NEIL2: variants seen among roughly 807,000 people sequenced by gnomAD.
The protein encoded by NEIL2 is endonuclease 8-like 2.
A neutral mutation model predicts 22.2 loss-of-function variants in NEIL2; 23 were observed. The observed-to-expected ratio is 1.04, with a 90% CI of 0.75 to 1.47. The LOEUF is 1.47. Ranked by LOEUF, NEIL2 falls within the 40% of genes most tolerant of loss-of-function variation. NEIL2 has a pLI of 0.00. For missense variants in NEIL2, 583 were observed against 404.7 expected, an observed-to-expected ratio of 1.44 and a Z score of -3.78; for synonymous variants, 229 against 164.8, an observed-to-expected ratio of 1.39 and a Z score of -2.99.
chr8:11,779,976 G>C (rs368736363), intron 3 of NEIL2, 26 bp downstream of exon 3: 116 of 1,596,810 alleles, frequency 7.3e-5, no homozygotes, highest in Non-Finnish European at 9.4e-5. Flanking sequence ...TCTGATTTTC[G>C]TGGGCTCTGA....
In NEIL2 at chr8:11,783,380, G is replaced by C; in HGVS notation, c.669G>C (p.Gln223His). ...AQPVCYTLLD[Q>H]RYFSGLGNII... ...CTGTCTGCTATACACTGCTGGACCA[G>C]AGATACTTCTCAGGGCTAGGTATGA... Residue 223 changes from glutamine to histidine, a missense_variant, in exon 4 of 5, where the codon CAG (glutamine) becomes CAC (histidine). By Grantham distance (24) the Gln-to-His change is conservative. Coordinates refer to ENST00000284503, the MANE Select transcript of NEIL2 (RefSeq NM_145043.4). The C allele has an allele frequency of 6.2e-7, 1 of 1,614,154 alleles. No individual in the cohort carries two copies. The highest frequency in any genetic ancestry group is 8.5e-7 in the Non-Finnish European group (1 of 1,180,016).
chr8:11,780,949 G>C (rs1358654924), intron 3 of NEIL2, among the ~76,000 whole-genome samples: 1 of 152,198 alleles, frequency 6.6e-6, no homozygotes, highest in Non-Finnish European at 1.5e-5. Context: ...TGTGTTGCCA[G>C]TATTGTTTCA....
rs191026434 is a variant in NEIL2 at position 11,771,801 on chromosome 8, G to C, written c.138+216G>C. On this transcript the variant is annotated intron_variant, in intron 2 of 4. Coordinates refer to ENST00000284503, the MANE Select transcript of NEIL2 (RefSeq NM_145043.4). ...AAAGAACACGTGTGGATGAGCTGGAGACCCCGATTCAGAGGGTCTGGAGTG... is the reference window on the plus strand; with the variant it reads ...AAAGAACACGTGTGGATGAGCTGGACACCCCGATTCAGAGGGTCTGGAGTG... 2.0e-5 allele frequency among the ~76,000 whole-genome samples: 3 copies of C among 152,306 alleles called. No individual in the cohort carries two copies. The East Asian group carries it at 5.8e-4, about 29-fold the overall frequency.
intron 2 of NEIL2, among the ~76,000 whole-genome samples, chr8:11,776,691 T>G (rs1803930495): frequency 6.6e-6 from 1 of 152,162 alleles, no homozygotes. Context: ...ATTTTTAACC[T>G]CTTGCCACAG....
At chr8:11,780,327 G>C (rs190998274) in intron 3 of NEIL2, among the ~76,000 whole-genome samples, 158 of 152,302 alleles carry the variant, frequency 1.0e-3, no homozygotes, top group Admixed American at 1.6e-3. Flanking sequence ...ATTTTTTATT[G>C]AGATATAATT....
chr8:11,783,404 G>C lies in NEIL2; in HGVS notation c.688+5G>C. 2 of 1,613,508 alleles carry C rather than the reference G, an allele frequency of 1.2e-6. No individual in the cohort carries two copies. Among genetic ancestry groups the C allele is most frequent in the Non-Finnish European group, 1.7e-6 (2 of 1,179,492 alleles). On this transcript the variant is annotated splice_donor_5th_base_variant and intron_variant, in intron 4 of 4. Coordinates refer to ENST00000284503, the MANE Select transcript of NEIL2 (RefSeq NM_145043.4). ...AGAGATACTTCTCAGGGCTAGGTATGACTCATGGGAAAGGGGTGAGTCCAC... is the reference window on the plus strand; with the variant it reads ...AGAGATACTTCTCAGGGCTAGGTATCACTCATGGGAAAGGGGTGAGTCCAC...
intron 2 of NEIL2, among the ~76,000 whole-genome samples, chr8:11,777,430 A>G (rs966735704): frequency 1.3e-5 from 2 of 151,900 alleles, no homozygotes; most frequent in African/African-American, 2.4e-5. Context: ...ATTTTAAAGT[A>G]TATAGTTCAG....
intron 4 of NEIL2, among the ~76,000 whole-genome samples, chr8:11,784,811 A>G (rs540588527): frequency 2.6e-5 from 4 of 152,294 alleles, no homozygotes; most frequent in African/African-American, 9.6e-5. Flanking sequence ...GAGTAGAAAA[A>G]TAATAAGATA....
intron 4 of NEIL2, among the ~76,000 whole-genome samples, chr8:11,783,706 ACC>A (rs1804647390): frequency 6.6e-6 from 1 of 152,102 alleles, no homozygotes; most frequent in Non-Finnish European, 1.5e-5. Flanking sequence ...GCACCTCTGT[ACC>A]CTCCACTGCA....
At chr8:11,780,652 G>C (rs1409466172) in intron 3 of NEIL2, among the ~76,000 whole-genome samples, 1 of 152,232 alleles carries the variant, frequency 6.6e-6, no homozygotes, top group East Asian at 1.9e-4. Flanking sequence ...AAAGTGCTGG[G>C]ATTACAGGCG....
chr8:11,785,731 C>A (rs537535468), intron 4 of NEIL2, among the ~76,000 whole-genome samples: 1 of 152,148 alleles, frequency 6.6e-6, no homozygotes, highest in African/African-American at 2.4e-5. Flanking sequence ...TTTTTGATAG[C>A]CTGTTTGCCA....
intron 2 of NEIL2, among the ~76,000 whole-genome samples, chr8:11,774,498 G>T (rs915483020): frequency 6.6e-6 from 1 of 152,128 alleles, no homozygotes; most frequent in East Asian, 1.9e-4. Context: ...TAACACATGG[G>T]AATCATGGGA....
At chr8:11,782,370 A>G (rs551361355) in intron 3 of NEIL2, among the ~76,000 whole-genome samples, 1 of 152,336 alleles carries the variant, frequency 6.6e-6, no homozygotes, top group South Asian at 2.1e-4. Flanking sequence ...GATTGCAGTG[A>G]GCCAAGATAG....
chr8:11,781,028 C>A (rs1275192517), intron 3 of NEIL2, among the ~76,000 whole-genome samples: 1 of 152,136 alleles, frequency 6.6e-6, no homozygotes, highest in Non-Finnish European at 1.5e-5. Flanking sequence ...ATTTTTATAT[C>A]ATCAACGGTG....
intron 3 of NEIL2, chr8:11,782,852 ATGTG>A (rs1316408855): frequency 2.9e-6 from 1 of 344,074 alleles, no homozygotes; most frequent in Non-Finnish European, 5.4e-6. Context: ...CGATGTGGGG[ATGTG>A]TGTATGTGTG....
intron 4 of NEIL2, among the ~76,000 whole-genome samples, chr8:11,785,330 C>T (rs557615306): frequency 2.6e-5 from 4 of 152,088 alleles, no homozygotes; most frequent in Non-Finnish European, 5.9e-5. Context: ...TGAGTAGCTG[C>T]GATTACAGGC....
At chr8:11,771,219 A>G (rs1803405115) in intron 1 of NEIL2, among the ~76,000 whole-genome samples, 1 of 152,200 alleles carries the variant, frequency 6.6e-6, no homozygotes, top group Non-Finnish European at 1.5e-5. Context: ...TGCTGCATGA[A>G]GAAAGGTAAG....
intron 2 of NEIL2, among the ~76,000 whole-genome samples, chr8:11,772,594 C>G (rs573099600): frequency 3.9e-4 from 59 of 152,276 alleles, no homozygotes; most frequent in African/African-American, 1.4e-3. Flanking sequence ...CTGTTCTTCC[C>G]TTTTTACTGA....
intron 1 of NEIL2, 57 bp downstream of exon 1, chr8:11,770,392 G>A (rs773593208): frequency 3.9e-5 from 6 of 152,146 alleles, no homozygotes; most frequent in African/African-American, 7.2e-5. Flanking sequence ...GGATTCCCTG[G>A]GGAGTGTCTG....
Sources: gnomAD v4.1 joint callset for allele counts (sites outside exome capture counted in the v4.1 genomes callset) on GRCh38, gnomAD v4.1.1 for gene constraint, MANE v1.5 for transcripts, NCBI Gene and HGNC (gene_info 2026-07-23, HGNC 2026-07-21) for gene names.